Variants in DOK7 observed in about 807,000 individuals in gnomAD.
DOK7 encodes the protein docking protein 7.
A neutral mutation model predicts 30.7 loss-of-function variants in DOK7; 32 were observed. The observed-to-expected ratio is 1.04, with a 90% CI of 0.79 to 1.40. The LOEUF (loss-of-function observed/expected upper bound fraction) is 1.40, where lower values mean the gene tolerates loss of function less well. Ranked by LOEUF, DOK7 falls within the 40% of genes most tolerant of loss-of-function variation. The pLI is 0.00. For synonymous variants in DOK7, 447 were observed against 324.1 expected (o/e 1.38, Z -4.07); for missense variants, 1,007 against 699.2 (o/e 1.44, Z -4.97).
intron 4 of DOK7, among the ~76,000 whole-genome samples, chr4:3,479,661 C>T (rs1331767284): frequency 2.6e-5 from 4 of 152,210 alleles, no homozygotes; most frequent in African/African-American, 7.2e-5. Flanking sequence ...GCGATGGCTG[C>T]GCCTCACTCA....
chr4:3,480,648 C>T (rs1340152673), intron 4 of DOK7, among the ~76,000 whole-genome samples: 1 of 152,214 alleles, frequency 6.6e-6, no homozygotes, highest in East Asian at 1.9e-4. Flanking sequence ...AACTAGGAGG[C>T]TCTTGCTACA....
At position 3,489,807 on chromosome 4, in the gene DOK7, G is replaced by A; in HGVS notation, c.772+11G>A. The stretch of plus-strand genomic sequence containing the variant: ...GGCCGGGCAGTGGAGGTAGGGCCGG[G>A]GGCTGACCTGGGCTGTGGGACCTCG... On this transcript the variant is annotated intron_variant, in intron 6 of 6. Transcript: ENST00000340083. The A allele has an allele frequency of 1.3e-6, 2 of 1,565,656 alleles. No individual in the cohort carries two copies.
chr4:3,492,178 G>A (rs1728510531), intron 6 of DOK7, among the ~76,000 whole-genome samples: 1 of 152,192 alleles, frequency 6.6e-6, no homozygotes, highest in Admixed American at 6.5e-5. Context: ...AGGCAGCCTG[G>A]GATCTGCATT....
At position 3,500,391 on chromosome 4, in the gene DOK7, G is replaced by T; in HGVS notation, c.1249G>T (p.Glu417Ter). The change falls in exon 7 of 8, where the codon GAG becomes TAG. Residue 417 changes from glutamate to a stop codon, truncating the protein, a stop_gained. Coordinates refer to the DOK7 transcript ENST00000643608. LOFTEE classifies it low-confidence loss of function (END_TRUNC). ...GGGCCTGGAGCTCCAGGAGGCCAGCGAGGGTGTCCGAGGTGGGTCCCCGCC... is the reference window on the plus strand; with the variant it reads ...GGGCCTGGAGCTCCAGGAGGCCAGCTAGGGTGTCCGAGGTGGGTCCCCGCC... 1 of 1,535,920 alleles carries T rather than the reference G, an allele frequency of 6.5e-7. No homozygotes were observed. The highest frequency in any genetic ancestry group is 8.7e-7 in the Non-Finnish European group (1 of 1,146,778).
chr4:3,484,802 G>A (rs979030185), intron 4 of DOK7: 19 of 985,542 alleles, frequency 1.9e-5, no homozygotes, highest in Admixed American at 6.1e-5. Context: ...TGGGGAGGAC[G>A]CGGTGCTGGC....
rs573826980 is a variant in DOK7, at chr4:3,494,318, G to A, written c.*817G>A. On this transcript the variant is annotated 3_prime_UTR_variant, in exon 7 of 7. Transcript: ENST00000340083. The stretch of plus-strand genomic sequence containing the variant: ...TGCGTCGGAGGTGGGGCTGTGTTGG[G>A]CCCATTGTCCCCCGCCCTGGGTGGC... The A allele has an allele frequency of 4.1e-6, 4 of 985,792 alleles. No homozygotes were observed. The East Asian group carries it at 3.4e-4, about 84-fold the overall frequency. The allele number at this position is 985,792 out of a possible 1,614,324, so 61.1% of individuals were successfully genotyped here.
At chr4:3,490,114 TCATTCCTTTTCTCCCTGCTC>T (rs1425189785) in intron 6 of DOK7, among the ~76,000 whole-genome samples, 7 of 85,600 alleles carry the variant, frequency 8.2e-5, no homozygotes, top group African/African-American at 2.3e-4. Context: ...TCACCCCCAT[TCATTCCTTTTCTCCCTGCTC>T]ATTCATTCCT....
chr4:3,492,472 G>GGAGGC (rs1328086529), intron 6 of DOK7, among the ~76,000 whole-genome samples: 3 of 152,084 alleles, frequency 2.0e-5, no homozygotes, highest in African/African-American at 7.2e-5. Context: ...GGGAAGGGGA[G>GGAGGC]GAGGCGGGGA....
chr4:3,463,502 G>A lies in DOK7; in HGVS notation c.55-4G>A, dbSNP rs1726092535. The A allele has an allele frequency of 2.0e-6, 3 of 1,495,434 alleles. No individual in the cohort carries two copies. Among genetic ancestry groups the A allele is most frequent in the East Asian group, 2.7e-5 (1 of 37,232 alleles). 92.6% of individuals were successfully genotyped at this position (1,495,434 alleles called of 1,614,324 possible). On this transcript the variant is annotated splice_region_variant and splice_polypyrimidine_tract_variant and intron_variant, in intron 1 of 6. Coordinates refer to ENST00000340083, the MANE Select transcript of DOK7 (RefSeq NM_173660.5). ...GCGGCTCACGCTCCCCCCTGTCCCC[G>A]CAGTGGAAGAGTAGGTGGCTGGTGC...
At chr4:3,486,984 C>G (rs532314060) in intron 5 of DOK7, among the ~76,000 whole-genome samples, 1 of 152,186 alleles carries the variant, frequency 6.6e-6, no homozygotes, top group Non-Finnish European at 1.5e-5. Flanking sequence ...GAGGGTTTGC[C>G]TGGGACAGCC....
At position 3,493,197 on chromosome 4, in the gene DOK7, A is replaced by G; in HGVS notation, c.1211A>G (p.His404Arg). The G allele has an allele frequency of 1.2e-6, 2 of 1,611,440 alleles. No homozygotes were observed. Among genetic ancestry groups the G allele is most frequent in the South Asian group, 2.2e-5 (2 of 90,884 alleles). Residue 404 changes from histidine to arginine, a missense_variant, in exon 7 of 7, where the codon CAC (histidine) becomes CGC (arginine). His to Arg is a conservative substitution (Grantham distance 29, BLOSUM62 0). Transcript: ENST00000340083. ...EYQVPTSLRA[H>R]YDTPRSLCLA... ...CAGGTGCCCACCTCCCTGCGGGCCC[A>G]CTATGACACACCACGCAGCCTTTGC...
chr4:3,500,848 C>A (rs575211161), exon 8 of DOK7: 1 of 1,518,848 alleles, frequency 6.6e-7, no homozygotes. Context: ...AGGAGCTGAC[C>A]GCAAACCCGG....
rs541793220 is a variant in DOK7 at position 3,489,317 on chromosome 4, G to A, written c.653-360G>A. 1.1e-4 allele frequency among the ~76,000 whole-genome samples: 17 copies of A among 152,268 alleles called. No individual in the cohort carries two copies. In the East Asian group the frequency reaches 1.5e-3, roughly 14 times the overall value. On this transcript the variant is annotated intron_variant, in intron 5 of 6. Transcript: ENST00000340083. ...AGGCAGCCCCTCTTGCAGCGAGGCC[G>A]GCCCTGGGGATGGGGGAGGGGCTGG...
downstream of DOK7, among the ~76,000 whole-genome samples, chr4:3,498,376 C>T (rs1729027918): frequency 6.6e-6 from 1 of 151,680 alleles, no homozygotes; most frequent in African/African-American, 2.4e-5. Flanking sequence ...TGGGAACATT[C>T]GTCCCCTTTC....
intron 5 of DOK7, among the ~76,000 whole-genome samples, chr4:3,487,475 G>A (rs1269141601): frequency 6.6e-6 from 1 of 152,238 alleles, no homozygotes; most frequent in Non-Finnish European, 1.5e-5. Context: ...GCCAAGAGAT[G>A]CAGGAAGTCC....
At chr4:3,476,856 G>A (rs1727126489) in intron 4 of DOK7, among the ~76,000 whole-genome samples, 3 of 152,222 alleles carry the variant, frequency 2.0e-5, no homozygotes, top group Admixed American at 2.0e-4. Flanking sequence ...TTCATGGAAA[G>A]GAAAAAACAA....
intron 3 of DOK7, among the ~76,000 whole-genome samples, chr4:3,474,753 C>T (rs1239169111): frequency 6.6e-6 from 1 of 151,840 alleles, no homozygotes; most frequent in Non-Finnish European, 1.5e-5. Context: ...ACCTGGGAGG[C>T]AGAGGTTGCA....
exon 8 of DOK7, chr4:3,500,796 C>T (rs1264874028): frequency 6.5e-7 from 1 of 1,533,838 alleles, no homozygotes; most frequent in Admixed American, 2.0e-5. Context: ...GCTGTCGGAG[C>T]TGGAGCAGAG....
At chr4:3,485,417 G>T in intron 4 of DOK7, 122 bp from the exon 5 acceptor site, 1 of 1,315,558 alleles carries the variant, frequency 7.6e-7, no homozygotes, top group Non-Finnish European at 1.0e-6. Context: ...ACTTCGTGGG[G>T]CCAGGCAGGG....
Sources: gnomAD v4.1 joint callset for allele counts (sites outside exome capture counted in the v4.1 genomes callset) on GRCh38, gnomAD v4.1.1 for gene constraint, MANE v1.5 for transcripts, NCBI Gene and HGNC (gene_info 2026-07-23, HGNC 2026-07-21) for gene names.